Variants in SORCS2 observed in about 807,000 individuals in gnomAD.
SORCS2 encodes sortilin related VPS10 domain containing receptor 2.
A neutral mutation model predicts 141.6 loss-of-function variants in SORCS2; 100 were observed. That is an observed-to-expected ratio of 0.71 (90% CI 0.60 to 0.83). The LOEUF (loss-of-function observed/expected upper bound fraction) is 0.83. SORCS2 is among the 40% of genes least tolerant of loss of function. The pLI, the probability that SORCS2 is intolerant of heterozygous loss-of-function variation, is 0.00. For synonymous variants in SORCS2, 789 were observed against 676.9 expected, an observed-to-expected ratio of 1.17 and a Z score of -2.57; for missense variants, 1,646 against 1,560.2, an observed-to-expected ratio of 1.05 and a Z score of -0.93.
chr4:7,354,549 A>C (rs1318762291), intron 1 of SORCS2, among the ~76,000 whole-genome samples: 2 of 152,222 alleles, frequency 1.3e-5, no homozygotes, highest in Non-Finnish European at 2.9e-5. Flanking sequence ...GCTAAGGCCC[A>C]CACGTCTCTG....
intron 1 of SORCS2, among the ~76,000 whole-genome samples, chr4:7,289,728 C>T (rs1716482733): frequency 6.6e-6 from 1 of 152,232 alleles, no homozygotes; most frequent in African/African-American, 2.4e-5. Context: ...CTCCTATCAG[C>T]AGCGCTTCGA....
chr4:7,461,683 G>A (rs1343161392), intron 2 of SORCS2, among the ~76,000 whole-genome samples: 1 of 152,122 alleles, frequency 6.6e-6, no homozygotes, highest in Non-Finnish European at 1.5e-5. Flanking sequence ...CTCTCTCCCC[G>A]GCCCTTCCAC....
intron 3 of SORCS2, among the ~76,000 whole-genome samples, chr4:7,545,143 GA>G (rs34817306): frequency 0.69 from 101,372 of 145,898 alleles, 35,331 homozygotes; most frequent in East Asian, 0.88. Context: ...GGAGGGAAAA[GA>G]AAAAAAAAAA....
chr4:7,481,041 A>T (rs1730598291), intron 2 of SORCS2, among the ~76,000 whole-genome samples: 1 of 152,194 alleles, frequency 6.6e-6, no homozygotes, highest in African/African-American at 2.4e-5. Flanking sequence ...TTTTCTTTGA[A>T]ATCAAGAGAG....
In SORCS2 at chr4:7,366,432, A is replaced by G. The variant is rs528258654; in HGVS notation, c.481-29856A>G. Among the ~76,000 whole-genome samples the G allele has an allele frequency of 6.7e-5, 10 of 148,764 alleles. No homozygotes were observed. In the East Asian group the frequency reaches 1.8e-3, roughly 27 times the overall value. ...TCAGCACAGGAGGCGTTTCCATCCCATAGGTCAGTCCTCACGGTGGATGCC... is the reference window on the plus strand; with the variant it reads ...TCAGCACAGGAGGCGTTTCCATCCCGTAGGTCAGTCCTCACGGTGGATGCC... On this transcript the variant is annotated intron_variant, in intron 1 of 26. Transcript: ENST00000507866.
At chr4:7,433,148 TAAGAG>T in intron 2 of SORCS2, 1 of 668,058 alleles carries the variant, frequency 1.5e-6, no homozygotes, top group Non-Finnish European at 2.2e-6. Context: ...GCACCGTTGT[TAAGAG>T]AGAGGCTTTC....
chr4:7,476,986 A>T (rs933302706), intron 2 of SORCS2, among the ~76,000 whole-genome samples: 6 of 152,302 alleles, frequency 3.9e-5, no homozygotes, highest in African/African-American at 1.4e-4. Context: ...CTCTGAACTT[A>T]TTGACCTCCT....
At chr4:7,293,395 T>A (rs909766241) in intron 1 of SORCS2, among the ~76,000 whole-genome samples, 2 of 151,938 alleles carry the variant, frequency 1.3e-5, no homozygotes, top group African/African-American at 2.4e-5. Flanking sequence ...TCATACACAA[T>A]CTCACGACCT....
chr4:7,422,124 G>A (rs7693497), intron 2 of SORCS2, among the ~76,000 whole-genome samples: 22,824 of 152,122 alleles, frequency 0.15, 1,942 homozygotes, highest in East Asian at 0.33. Context: ...CGGGTTAATC[G>A]TCACCCACCT....
intron 1 of SORCS2, among the ~76,000 whole-genome samples, chr4:7,238,572 T>C (rs902897183): frequency 5.3e-5 from 8 of 152,078 alleles, no homozygotes; most frequent in Admixed American, 2.6e-4. Context: ...CGTGTGTGCA[T>C]ATATGTGTGT....
At chr4:7,584,844 A>G (rs1716428063) in intron 3 of SORCS2, among the ~76,000 whole-genome samples, 1 of 152,202 alleles carries the variant, frequency 6.6e-6, no homozygotes, top group African/African-American at 2.4e-5. Flanking sequence ...TGAACTGAGA[A>G]TATCGATGTC....
At chr4:7,471,424 C>G (rs188653363) in intron 2 of SORCS2, among the ~76,000 whole-genome samples, 2 of 152,364 alleles carry the variant, frequency 1.3e-5, no homozygotes, top group East Asian at 3.9e-4. Context: ...AGCCTACAGA[C>G]CTGCGGTGGC....
At chr4:7,581,712 G>C (rs1160249843) in intron 3 of SORCS2, among the ~76,000 whole-genome samples, 1 of 152,118 alleles carries the variant, frequency 6.6e-6, no homozygotes, top group Non-Finnish European at 1.5e-5. Context: ...AGGTTGCTTA[G>C]GGTCCCCCAC....
At chr4:7,585,721 T>C (rs1029222134) in intron 3 of SORCS2, among the ~76,000 whole-genome samples, 2 of 152,238 alleles carry the variant, frequency 1.3e-5, no homozygotes, top group African/African-American at 4.8e-5. Flanking sequence ...TTAGTAATTC[T>C]GATTCACCTC....
intron 3 of SORCS2, among the ~76,000 whole-genome samples, chr4:7,571,770 A>G (rs1388705979): frequency 6.6e-6 from 1 of 152,210 alleles, no homozygotes; most frequent in Non-Finnish European, 1.5e-5. Flanking sequence ...GCGACGTTGA[A>G]TTATGGACGT....
chr4:7,519,831 C>A lies in SORCS2; in HGVS notation c.549-11699C>A, dbSNP rs1045207714. Among the ~76,000 whole-genome samples, 44 of 151,502 alleles carry A rather than the reference C, an allele frequency of 2.9e-4. 1 individual carries two copies. Among genetic ancestry groups the A allele is most frequent in the Non-Finnish European group, 5.1e-4 (35 of 68,032 alleles). ...AGAGGGCGCACATGGGGGCTTCTGC[C>A]GTGCTAGAGCAGCAGCTGCATTTCA... On this transcript the variant is annotated intron_variant, in intron 2 of 26. Transcript: ENST00000507866.
In SORCS2 at chr4:7,296,175, G is replaced by A. The variant is rs530079650; in HGVS notation, c.481-100113G>A. ...TGACCTTGTTTCTGTGGCTCCTTGG[G>A]GTGCTCCCTCTGGGGTGCCCCCATC... On this transcript the variant is annotated intron_variant, in intron 1 of 26. Coordinates refer to ENST00000507866, the MANE Select transcript of SORCS2 (RefSeq NM_020777.3). 7.9e-5 allele frequency among the ~76,000 whole-genome samples: 12 copies of A among 152,302 alleles called. No homozygotes were observed. In the South Asian group the frequency reaches 2.5e-3, roughly 32 times the overall value.
intron 1 of SORCS2, among the ~76,000 whole-genome samples, chr4:7,317,730 A>T (rs970999545): frequency 6.6e-6 from 1 of 152,180 alleles, no homozygotes; most frequent in Non-Finnish European, 1.5e-5. Context: ...AGGCAGTGAC[A>T]TGTGAATTTC....
intron 14 of SORCS2, among the ~76,000 whole-genome samples, chr4:7,705,845 C>T (rs896392938): frequency 3.3e-5 from 5 of 152,276 alleles, no homozygotes; most frequent in Non-Finnish European, 7.3e-5. Flanking sequence ...TGACCCCAGC[C>T]TCTATCTCCC....
Sources: allele counts gnomAD v4.1 joint callset (sites outside exome capture counted in the v4.1 genomes callset), GRCh38; gene constraint gnomAD v4.1.1; transcripts MANE v1.5; gene names NCBI Gene and HGNC (gene_info 2026-07-23, HGNC 2026-07-21).